Variants in AKR1B10 observed in about 807,000 individuals in gnomAD.
AKR1B10 encodes ARP.
AKR1B10 carries 39 observed loss-of-function variants against 38.9 expected under a neutral mutation model. The observed-to-expected ratio is 1.00, with a 90% confidence interval of 0.78 to 1.31. The LOEUF (loss-of-function observed/expected upper bound fraction) is 1.31, where lower values mean the gene tolerates loss of function less well. AKR1B10 is among the 50% of genes most tolerant of loss of function. The probability of loss-of-function intolerance (pLI) is 0.00; values close to 1 mark genes in which losing one functional copy is unlikely to be tolerated. For synonymous variants in AKR1B10, 148 were observed against 141.2 expected (o/e 1.05, Z -0.34); for missense variants, 361 against 382.6 (o/e 0.94, Z 0.47).
chr7:134,535,658 C>G, intron 4 of AKR1B10: 2 of 972,076 alleles, frequency 2.1e-6, no homozygotes, highest in Admixed American at 7.4e-5. Flanking sequence ...CTGACAACTG[C>G]GGGCTGTATG....
chr7:134,529,522 G>A (rs1807790981), intron 1 of AKR1B10, among the ~76,000 whole-genome samples: 1 of 152,152 alleles, frequency 6.6e-6, no homozygotes, highest in Non-Finnish European at 1.5e-5. Flanking sequence ...CTTAGCAGTG[G>A]AGGTGAAGAA....
intron 9 of AKR1B10, among the ~76,000 whole-genome samples, chr7:134,540,838 GCTCA>G (rs1224465668): frequency 6.6e-6 from 1 of 152,074 alleles, no homozygotes; most frequent in African/African-American, 2.4e-5. Flanking sequence ...CTGCTGCCCT[GCTCA>G]CTGTCTGCCC....
chr7:134,538,787 A>G, intron 8 of AKR1B10, 148 bp from the exon 9 acceptor site: 1 of 859,138 alleles, frequency 1.2e-6, no homozygotes. Flanking sequence ...TTAGAGAAAA[A>G]TTTGTATCCC....
intron 1 of AKR1B10, among the ~76,000 whole-genome samples, chr7:134,530,106 T>C (rs1023973212): frequency 6.6e-6 from 1 of 152,136 alleles, no homozygotes; most frequent in East Asian, 1.9e-4. Flanking sequence ...ACCCAGTAAG[T>C]GATCGAATCC....
rs750867242 is a variant in AKR1B10, at chr7:134,537,598, T to G, written c.678T>G (p.Pro226=). 14 of 1,613,892 alleles carry G rather than the reference T, an allele frequency of 8.7e-6. No individual in the cohort carries two copies. The highest frequency in any genetic ancestry group is 1.3e-5 in the African/African-American group (1 of 74,918). The change falls in exon 7 of 10, where the codon CCT becomes CCG. Residue 226 remains proline (P), a synonymous_variant. Coordinates refer to ENST00000359579, the MANE Select transcript of AKR1B10 (RefSeq NM_020299.5). ...PDRPWAKPED[P]SLLEDPKIKE... is the part of the protein sequence containing the mutation. ...CCCCTAGGGCCAAGCCAGAAGACCCTTCCCTGCTGGAGGATCCCAAGATTA... is the reference window on the plus strand; with the variant it reads ...CCCCTAGGGCCAAGCCAGAAGACCCGTCCCTGCTGGAGGATCCCAAGATTA...
In AKR1B10 at chr7:134,537,460, C is replaced by G. The variant is rs1808043435; in HGVS notation, c.660-120C>G. ...GAAAGGACCCAAGCTTCCAGGTCCT[C>G]CTGCCTGTCTCCCAGATGGAGAGGC... On this transcript the variant is annotated intron_variant, in intron 6 of 9. Coordinates refer to ENST00000359579, the MANE Select transcript of AKR1B10 (RefSeq NM_020299.5). 5.6e-6 allele frequency: 7 copies of G among 1,251,318 alleles called. No individual in the cohort carries two copies. The Admixed American group carries it at 1.3e-4, about 24-fold the overall frequency. The allele number at this position is 1,251,318 out of a possible 1,614,324, so 77.5% of individuals were successfully genotyped here.
chr7:134,532,085 G>T lies in AKR1B10; in HGVS notation c.351+61G>T, dbSNP rs201546370. 27 of 1,594,690 alleles carry T rather than the reference G, an allele frequency of 1.7e-5. No homozygotes were observed. The Admixed American group carries it at 1.8e-4, about 11-fold the overall frequency. On this transcript the variant is annotated intron_variant, in intron 3 of 9. Transcript: ENST00000359579. ...GAGCAGGTGCCAGAAAATAGTAGCT[G>T]CACCAGGGCTGTGGGGTGGTGTGGA...
At chr7:134,536,868 A>T in intron 5 of AKR1B10, 96 bp downstream of exon 5, 1 of 1,584,666 alleles carries the variant, frequency 6.3e-7, no homozygotes, top group South Asian at 1.2e-5. Flanking sequence ...GTCTCATCTC[A>T]GGGGTCAGTG....
Position 134,533,063 on chromosome 7 carries a change from G to T in AKR1B10, c.411G>T (p.Thr137=). The change falls in exon 4 of 10, where the codon ACG becomes ACT. Residue 137 remains threonine, a synonymous_variant. Transcript: ENST00000359579. ...GTAATGCCATCGGTGGAAAAGCAAC[G>T]TTCTTGGATGCCTGGGAGGTAGGTT... ...DKGNAIGGKA[T]FLDAWEAMEE... 6.3e-7 allele frequency: 1 copy of T among 1,596,984 alleles called. No individual in the cohort carries two copies. Among genetic ancestry groups the T allele is most frequent in the Non-Finnish European group, 8.5e-7 (1 of 1,173,826 alleles).
At chr7:134,540,482 G>A (rs1808123349) in intron 9 of AKR1B10, among the ~76,000 whole-genome samples, 2 of 152,146 alleles carry the variant, frequency 1.3e-5, no homozygotes, top group Non-Finnish European at 1.5e-5. Context: ...GGGTTGGTGG[G>A]CTCTGCAGTA....
In AKR1B10 at chr7:134,532,016, G is replaced by C; in HGVS notation, c.343G>C (p.Gly115Arg). The C allele has an allele frequency of 6.2e-7, 1 of 1,614,076 alleles. No individual in the cohort carries two copies. The highest frequency in any genetic ancestry group is 8.5e-7 in the Non-Finnish European group (1 of 1,179,960). ...LDVYLIHWPQ[G>R]FKSGDDLFPK... ...CGTCTATCTTATTCACTGGCCACAG[G>C]GATTCAAGGTTTAAGACACTCTCTT... Residue 115 changes from glycine (G) to arginine (R), a missense_variant, in exon 3 of 10, where the codon GGA (glycine) becomes CGA (arginine). By Grantham distance (125) the Gly-to-Arg change is moderately radical. Coordinates refer to ENST00000359579, the MANE Select transcript of AKR1B10 (RefSeq NM_020299.5).
intron 1 of AKR1B10, among the ~76,000 whole-genome samples, chr7:134,528,718 C>T (rs1807764584): frequency 6.9e-6 from 1 of 145,764 alleles, no homozygotes; most frequent in African/African-American, 2.8e-5. Context: ...GAGTGAGATC[C>T]AAGAAAGCAA....
At chr7:134,535,099 A>G (rs1807961037) in intron 4 of AKR1B10, among the ~76,000 whole-genome samples, 1 of 152,068 alleles carries the variant, frequency 6.6e-6, no homozygotes, top group Non-Finnish European at 1.5e-5. Context: ...CAATCCTCCC[A>G]AGTAGCTGGA....
In AKR1B10 at chr7:134,537,463, G is replaced by T; in HGVS notation, c.660-117G>T. 3.2e-6 allele frequency: 4 copies of T among 1,248,414 alleles called. No individual in the cohort carries two copies. In the South Asian group the frequency reaches 4.1e-5, roughly 13 times the overall value. The allele number at this position is 1,248,414 out of a possible 1,614,324, so 77.3% of individuals were successfully genotyped here. On this transcript the variant is annotated intron_variant, in intron 6 of 9. Transcript: ENST00000359579. Reference sequence around the variant, plus strand: ...AGGACCCAAGCTTCCAGGTCCTCCTGCCTGTCTCCCAGATGGAGAGGCTCT... The same window carrying T: ...AGGACCCAAGCTTCCAGGTCCTCCTTCCTGTCTCCCAGATGGAGAGGCTCT...
Position 134,531,997 on chromosome 7 carries a change from T to A in AKR1B10, c.324T>A (p.Tyr108Ter). Residue 108 changes from tyrosine to a stop codon, truncating the protein, a stop_gained, in exon 3 of 10, where the codon TAT (tyrosine) becomes TAA (stop). Coordinates refer to ENST00000359579, the MANE Select transcript of AKR1B10 (RefSeq NM_020299.5). LOFTEE classifies it high-confidence loss of function. ...KDLKLSYLDVYLIHWPQGFKS... is the reference protein window; with the variant it reads ...KDLKLSYLDV The stretch of plus-strand genomic sequence containing the variant: ...TGAAGCTGAGCTATCTGGACGTCTA[T>A]CTTATTCACTGGCCACAGGGATTCA... 3 of 1,614,124 alleles carry A rather than the reference T, an allele frequency of 1.9e-6. No individual in the cohort carries two copies. The highest frequency in any genetic ancestry group is 2.5e-6 in the Non-Finnish European group (3 of 1,179,978).
At chr7:134,538,459 A>T (rs894584022) in intron 8 of AKR1B10, among the ~76,000 whole-genome samples, 182 bp downstream of exon 8, 2 of 152,124 alleles carry the variant, frequency 1.3e-5, no homozygotes, top group Non-Finnish European at 2.9e-5. Context: ...CCATGGGCTA[A>T]GGACATCCTG....
intron 9 of AKR1B10, 181 bp downstream of exon 9, chr7:134,539,198 C>A: frequency 1.5e-6 from 1 of 662,890 alleles, no homozygotes; most frequent in Non-Finnish European, 2.6e-6. Flanking sequence ...TCTCTAATTG[C>A]TGCTCATTGT....
chr7:134,541,169 T>C lies in AKR1B10; in HGVS notation c.*80T>C. 2.7e-6 allele frequency: 3 copies of C among 1,099,898 alleles called. No individual in the cohort carries two copies. The highest frequency in any genetic ancestry group is 4.0e-6 in the Non-Finnish European group (3 of 745,728). 68.1% of individuals were successfully genotyped at this position (1,099,898 alleles called of 1,614,324 possible). ...GACTACCTCCACTCATGTCCCATTT[T>C]AGCCAAGCTTATTTAAGATCACAGT... is the stretch of plus-strand genomic sequence containing the variant. On this transcript the variant is annotated 3_prime_UTR_variant, in exon 10 of 10. Coordinates refer to ENST00000359579, the MANE Select transcript of AKR1B10 (RefSeq NM_020299.5).
At position 134,537,025 on chromosome 7, in the gene AKR1B10, G is replaced by A. The variant is rs370144328; in HGVS notation, c.553-26G>A. ...ATGCAAAACAGAGCCGGCTTTCCCC[G>A]TGATGAGGATTGTTTGCTGTTGCAG... On this transcript the variant is annotated intron_variant, in intron 5 of 9. Coordinates refer to ENST00000359579, the MANE Select transcript of AKR1B10 (RefSeq NM_020299.5). 364 of 1,567,712 alleles carry A rather than the reference G, an allele frequency of 2.3e-4. 2 individuals are homozygous for A. The highest frequency in any genetic ancestry group is 3.2e-4 in the Admixed American group (17 of 53,950).
Sources: allele counts gnomAD v4.1 joint callset (sites outside exome capture counted in the v4.1 genomes callset), GRCh38; gene constraint gnomAD v4.1.1; transcripts MANE v1.5; gene names NCBI Gene and HGNC (gene_info 2026-07-23, HGNC 2026-07-21).